SCHIP1: variants seen among roughly 807,000 people sequenced by gnomAD.
SCHIP1 encodes schwannomin interacting protein 1, also known as schwannomin-interacting protein 1.
Under a neutral mutation model 29.7 loss-of-function variants are expected in SCHIP1, and 8 were observed. The observed-to-expected ratio is 0.27, with a 90% CI of 0.16 to 0.49. SCHIP1 has a LOEUF of 0.49. Among genes scored for constraint, SCHIP1 ranks in the 20% least tolerant of loss-of-function variants. The pLI, the probability that SCHIP1 is intolerant of heterozygous loss-of-function variation, is 0.99. For missense variants in SCHIP1, 193 were observed against 294.6 expected (o/e 0.66, Z 2.52); for synonymous variants, 76 against 94.9 (o/e 0.80, Z 1.16).
At chr3:159,283,686 T>G in the SCHIP1 span, among the ~76,000 whole-genome samples, 1 of 152,208 alleles carries the variant, frequency 6.6e-6, no homozygotes, top group Non-Finnish European at 1.5e-5. Flanking sequence ...GATTTGTATC[T>G]TTTCAATTTA....
chr3:159,626,197 T>G, the SCHIP1 span, among the ~76,000 whole-genome samples: 1 of 119,942 alleles, frequency 8.3e-6, no homozygotes, highest in African/African-American at 5.3e-5. Flanking sequence ...GATAGATAGA[T>G]AGATAGATAG....
At chr3:159,603,018 C>A in the SCHIP1 span, among the ~76,000 whole-genome samples, 1 of 152,278 alleles carries the variant, frequency 6.6e-6, no homozygotes, top group African/African-American at 2.4e-5. Flanking sequence ...TTATAAGCCC[C>A]AGGGATTTTT....
At chr3:159,450,782 T>A in the SCHIP1 span, among the ~76,000 whole-genome samples, 1 of 151,254 alleles carries the variant, frequency 6.6e-6, no homozygotes, top group African/African-American at 2.4e-5. Flanking sequence ...ATGTTCAAAA[T>A]ACCTAACTTT....
At chr3:159,275,222 T>G in the SCHIP1 span, 42 of 311,868 alleles carry the variant, frequency 1.3e-4, no homozygotes, top group Non-Finnish European at 1.9e-4. Context: ...AAGGTAGATT[T>G]ATGATTTCAG....
At chr3:159,532,827 A>G in the SCHIP1 span, among the ~76,000 whole-genome samples, 16 of 152,340 alleles carry the variant, frequency 1.1e-4, no homozygotes, top group African/African-American at 3.4e-4. Context: ...AGCAGCTGCC[A>G]TGTGCTTACA....
At chr3:159,518,415 A>T in the SCHIP1 span, among the ~76,000 whole-genome samples, 3 of 152,108 alleles carry the variant, frequency 2.0e-5, no homozygotes, top group African/African-American at 7.2e-5. Context: ...CTTCTTGTGC[A>T]CCTGAATTAT....
At chr3:159,461,804 T>A in the SCHIP1 span, among the ~76,000 whole-genome samples, 2 of 152,164 alleles carry the variant, frequency 1.3e-5, no homozygotes, top group African/African-American at 2.4e-5. Context: ...AATAAGCATA[T>A]GTAACTATTT....
At chr3:159,298,398 C>G in the SCHIP1 span, among the ~76,000 whole-genome samples, 1 of 152,114 alleles carries the variant, frequency 6.6e-6, no homozygotes, top group Non-Finnish European at 1.5e-5. Context: ...TTTCTTGCAG[C>G]AAATCATACG....
the SCHIP1 span, among the ~76,000 whole-genome samples, chr3:159,748,348 A>C: frequency 2.6e-5 from 4 of 152,254 alleles, no homozygotes; most frequent in Admixed American, 2.0e-4. Flanking sequence ...TTTATATTTC[A>C]TTGATAGTAC....
At chr3:159,667,354 C>T in the SCHIP1 span, among the ~76,000 whole-genome samples, 1 of 152,312 alleles carries the variant, frequency 6.6e-6, no homozygotes, top group Non-Finnish European at 1.5e-5. Flanking sequence ...TTTAAAGCAT[C>T]ACTTTGCAAC....
the SCHIP1 span, among the ~76,000 whole-genome samples, chr3:159,541,873 AAT>A: frequency 6.6e-6 from 1 of 152,100 alleles, no homozygotes; most frequent in Non-Finnish European, 1.5e-5. Flanking sequence ...AATCAGAAAT[AAT>A]AAAGTTTAAG....
chr3:159,500,082 A>C, the SCHIP1 span, among the ~76,000 whole-genome samples: 1 of 152,116 alleles, frequency 6.6e-6, no homozygotes, highest in East Asian at 1.9e-4. Flanking sequence ...GAAATATTGA[A>C]GTTTTCAGTC....
the SCHIP1 span, among the ~76,000 whole-genome samples, chr3:159,714,596 T>C: frequency 6.6e-6 from 1 of 152,224 alleles, no homozygotes. Flanking sequence ...CAGGAGATTA[T>C]ATCCCGTGCC....
the SCHIP1 span, among the ~76,000 whole-genome samples, chr3:159,380,527 C>G: frequency 6.6e-6 from 1 of 151,974 alleles, no homozygotes; most frequent in South Asian, 2.1e-4. Flanking sequence ...TATACTAGTA[C>G]CATTATTATA....
At chr3:159,487,224 C>T in the SCHIP1 span, among the ~76,000 whole-genome samples, 1 of 152,030 alleles carries the variant, frequency 6.6e-6, no homozygotes, top group African/African-American at 2.4e-5. Flanking sequence ...ATGGTGGTTG[C>T]TTTGTTGTGA....
chr3:159,675,921 C>A, the SCHIP1 span, among the ~76,000 whole-genome samples: 1 of 151,308 alleles, frequency 6.6e-6, no homozygotes, highest in African/African-American at 2.4e-5. Flanking sequence ...CACCTGAGGT[C>A]GGGAGTTCAA....
the SCHIP1 span, among the ~76,000 whole-genome samples, chr3:159,825,690 C>T: frequency 4.9e-4 from 75 of 152,218 alleles, no homozygotes; most frequent in African/African-American, 1.5e-3. Flanking sequence ...CAATGGTTGA[C>T]GTGATACATA....
chr3:159,478,237 T>A, the SCHIP1 span, among the ~76,000 whole-genome samples: 1 of 152,126 alleles, frequency 6.6e-6, no homozygotes, highest in Admixed American at 6.6e-5. Flanking sequence ...ATCTTTAAAC[T>A]ACTTTGAGTT....
the SCHIP1 span, among the ~76,000 whole-genome samples, chr3:159,329,766 A>G: frequency 2.6e-5 from 4 of 152,198 alleles, no homozygotes; most frequent in African/African-American, 9.6e-5. Context: ...GTACACAAGA[A>G]GCCTAGTTCT....
Sources: allele counts gnomAD v4.1 joint callset (sites outside exome capture counted in the v4.1 genomes callset), GRCh38; gene constraint gnomAD v4.1.1; transcripts MANE v1.5; gene names NCBI Gene and HGNC (gene_info 2026-07-23, HGNC 2026-07-21).